Variants in CCDC3 observed in about 807,000 individuals in gnomAD.
The protein encoded by CCDC3 is coiled-coil domain containing 3, also known as coiled-coil domain-containing protein 3.
A neutral mutation model predicts 21.4 loss-of-function variants in CCDC3; 24 were observed. That is an observed-to-expected ratio of 1.12 (90% CI 0.81 to 1.58). The LOEUF (loss-of-function observed/expected upper bound fraction) is 1.58, where lower values mean the gene tolerates loss of function less well. Ranked by LOEUF, CCDC3 falls within the 40% of genes most tolerant of loss-of-function variation. The pLI, the probability that CCDC3 is intolerant of heterozygous loss-of-function variation, is 0.00. For synonymous variants in CCDC3, 186 were observed against 166.0 expected (o/e 1.12, Z -0.93); for missense variants, 425 against 360.9 (o/e 1.18, Z -1.44).
chr10:12,998,821 TCCTGGTGAAAAAAAGGCCAG>T (rs1192996243), intron 1 of CCDC3, among the ~76,000 whole-genome samples: 1 of 152,314 alleles, frequency 6.6e-6, no homozygotes, highest in Non-Finnish European at 1.5e-5. Flanking sequence ...GTTCCTTATT[TCCTGGTGAAAAAAAGGCCAG>T]CTGTCATCAC....
At chr10:13,097,199 C>G (rs1365148456) in intron 3 of CCDC3, among the ~76,000 whole-genome samples, 1 of 152,040 alleles carries the variant, frequency 6.6e-6, no homozygotes, top group Non-Finnish European at 1.5e-5. Flanking sequence ...TAAGAGCATG[C>G]TATTATTTCA....
chr10:13,038,198 G>A lies in CCDC3; in HGVS notation c.-2+11476C>T, dbSNP rs192806279. Among the ~76,000 whole-genome samples the A allele has an allele frequency of 3.1e-3, 478 of 152,180 alleles. 6 individuals carry two copies. Among genetic ancestry groups the A allele is most frequent in the South Asian group, 0.023 (113 of 4,810 alleles). ...ATGGCGGGGAAAAACACACACTGGG[G>A]CCTATCAGAGGGTGGAGGGTGTGAG... On this transcript the variant is annotated intron_variant, in intron 5 of 6. Transcript: ENST00000378839.
intron 2 of CCDC3, among the ~76,000 whole-genome samples, chr10:12,933,912 G>A (rs925199007): frequency 3.3e-5 from 5 of 151,810 alleles, no homozygotes; most frequent in Non-Finnish European, 1.5e-5. Context: ...CAGCTCTTTT[G>A]ATTATTTTCT....
At chr10:13,013,696 T>C (rs1446725733) in intron 5 of CCDC3, among the ~76,000 whole-genome samples, 1 of 152,160 alleles carries the variant, frequency 6.6e-6, no homozygotes, top group East Asian at 1.9e-4. Flanking sequence ...CTTGTGATAC[T>C]CCTGCCAATG....
At chr10:12,920,268 T>C (rs933981007) in intron 2 of CCDC3, among the ~76,000 whole-genome samples, 4 of 152,168 alleles carry the variant, frequency 2.6e-5, no homozygotes, top group Non-Finnish European at 5.9e-5. Context: ...CTCATGAGAC[T>C]TAATCACTAC....
intron 4 of CCDC3, among the ~76,000 whole-genome samples, chr10:13,057,232 G>A (rs909611357): frequency 6.6e-6 from 1 of 152,006 alleles, no homozygotes; most frequent in Non-Finnish European, 1.5e-5. Flanking sequence ...AGTTGAGGTT[G>A]AGTGAGCTAT....
intron 2 of CCDC3, among the ~76,000 whole-genome samples, chr10:12,927,371 C>T (rs2131223136): frequency 6.6e-6 from 1 of 152,326 alleles, no homozygotes; most frequent in East Asian, 1.9e-4. Context: ...CATTACCACA[C>T]TTAAAATTAA....
At chr10:12,910,665 A>C (rs1039371438) in intron 2 of CCDC3, among the ~76,000 whole-genome samples, 30 of 146,802 alleles carry the variant, frequency 2.0e-4, no homozygotes, top group African/African-American at 4.8e-4. Flanking sequence ...GCTAGAATAT[A>C]GTGGCGTGAT....
intron 3 of CCDC3, among the ~76,000 whole-genome samples, chr10:13,088,978 C>T (rs1837145205): frequency 6.6e-6 from 1 of 151,156 alleles, no homozygotes; most frequent in Non-Finnish European, 1.5e-5. Context: ...CCACTGCACT[C>T]CAGCCTGGGT....
intron 5 of CCDC3, among the ~76,000 whole-genome samples, chr10:13,019,148 G>A (rs1359666769): frequency 2.0e-5 from 3 of 152,072 alleles, no homozygotes; most frequent in African/African-American, 2.4e-5. Flanking sequence ...GCAGGAGAAC[G>A]GCATGAACCC....
intron 2 of CCDC3, among the ~76,000 whole-genome samples, chr10:12,962,593 C>A (rs901900178): frequency 1.3e-5 from 2 of 152,152 alleles, no homozygotes; most frequent in African/African-American, 4.8e-5. Flanking sequence ...CAGAGCAAGA[C>A]TCTGTCTCAA....
chr10:13,069,118 G>T (rs1249639469), intron 4 of CCDC3, among the ~76,000 whole-genome samples: 2 of 152,228 alleles, frequency 1.3e-5, no homozygotes, highest in Non-Finnish European at 2.9e-5. Context: ...AGCTGGGCGT[G>T]GTGGCACATG....
At chr10:12,987,534 T>C (rs1835614921) in intron 2 of CCDC3, among the ~76,000 whole-genome samples, 1 of 152,196 alleles carries the variant, frequency 6.6e-6, no homozygotes, top group Non-Finnish European at 1.5e-5. Flanking sequence ...AACCTCAGAA[T>C]GGTCAAGTGA....
chr10:13,043,257 C>A (rs1195903382), intron 5 of CCDC3, among the ~76,000 whole-genome samples: 1 of 152,118 alleles, frequency 6.6e-6, no homozygotes, highest in Non-Finnish European at 1.5e-5. Flanking sequence ...CTACTATTAC[C>A]ATCCTTATGT....
rs115383768 is a variant in CCDC3, at chr10:12,980,298, T to C, written c.549+18040A>G. On this transcript the variant is annotated intron_variant, in intron 2 of 2. Coordinates refer to ENST00000378825, the MANE Select transcript of CCDC3 (RefSeq NM_031455.4). ...AAAGATGAGAACCAGCCAGGGGAAC[T>C]GAAGCTTGACAGTGTCCCTGAGGGT... 8.3e-3 allele frequency among the ~76,000 whole-genome samples: 1,265 copies of C among 152,310 alleles called. 16 individuals carry two copies. The highest frequency in any genetic ancestry group is 0.029 in the African/African-American group (1,194 of 41,562).
chr10:12,936,015 A>G (rs1027042848), intron 2 of CCDC3, among the ~76,000 whole-genome samples: 3 of 151,920 alleles, frequency 2.0e-5, no homozygotes, highest in African/African-American at 4.9e-5. Flanking sequence ...TATCTGTCAG[A>G]TCAATGAAGA....
chr10:13,088,002 G>T (rs554717364), intron 3 of CCDC3, among the ~76,000 whole-genome samples: 14 of 152,296 alleles, frequency 9.2e-5, no homozygotes, highest in African/African-American at 2.6e-4. Flanking sequence ...CTTTGTGTGC[G>T]TTTGAGAAAG....
intron 5 of CCDC3, among the ~76,000 whole-genome samples, chr10:13,037,694 G>A (rs1006500122): frequency 2.6e-5 from 4 of 152,196 alleles, no homozygotes; most frequent in African/African-American, 9.7e-5. Context: ...AGGCATAGTA[G>A]CTCATGTCTA....
intron 4 of CCDC3, chr10:13,058,528 C>A: frequency 1.4e-6 from 1 of 737,170 alleles, no homozygotes; most frequent in Non-Finnish European, 2.5e-6. Context: ...AACTATCATC[C>A]TGTATTTGGG....
Sources: gnomAD v4.1 joint callset for allele counts (sites outside exome capture counted in the v4.1 genomes callset) on GRCh38, gnomAD v4.1.1 for gene constraint, MANE v1.5 for transcripts, NCBI Gene and HGNC (gene_info 2026-07-23, HGNC 2026-07-21) for gene names.